Variants in WDR90 observed in about 807,000 individuals in gnomAD.
WDR90 encodes the protein WD repeat domain 90.
Under a neutral mutation model 195.2 loss-of-function variants are expected in WDR90, and 238 were observed. The ratio of observed to expected loss-of-function variants is 1.22; its 90% confidence interval spans 1.10 to 1.36. WDR90 has a LOEUF of 1.36. Ranked by LOEUF, WDR90 falls within the 40% of genes most tolerant of loss-of-function variation. The pLI, the probability that WDR90 is intolerant of heterozygous loss-of-function variation, is 0.00. For missense variants in WDR90, 2,734 were observed against 2,439.5 expected (o/e 1.12, Z -2.54); for synonymous variants, 1,265 against 1,052.4 (o/e 1.20, Z -3.91).
chr16:660,684 CGG>C lies in WDR90; in HGVS notation c.3363_3364del (p.Ala1122GlnfsTer84). On this transcript the variant is annotated frameshift_variant, in exon 28 of 41. Transcript: ENST00000293879. LOFTEE classifies it high-confidence loss of function. Reference sequence around the variant, plus strand: ...TGTCGTCGGTTACAGCGGGAATGGGCGGGCCAACATGGTCTGGAGGCCGGACA... The same window carrying C: ...TGTCGTCGGTTACAGCGGGAATGGGCGCCAACATGGTCTGGAGGCCGGACA... ...KAVVGYSGNGRANMVWRPDTG... is the reference protein window; with the variant it reads ...KAVVGYSGNGXANMVWRPDTG... 6.3e-7 allele frequency: 1 copy of C among 1,579,078 alleles called. No homozygotes were observed.
chr16:660,234 C>A (rs1468015680), intron 27 of WDR90, 73 bp downstream of exon 27: 3 of 1,357,198 alleles, frequency 2.2e-6, no homozygotes, highest in South Asian at 1.5e-5. Flanking sequence ...TCCCCAGCAC[C>A]TCCTCAGGGT....
chr16:657,375 C>T (rs927750577), intron 20 of WDR90, 154 bp downstream of exon 20: 6 of 1,201,074 alleles, frequency 5.0e-6, no homozygotes, highest in African/African-American at 3.1e-5. Flanking sequence ...TGTCAAGGCC[C>T]TGAGGAGACT....
chr16:650,371 A>G lies in WDR90; in HGVS notation c.388+9A>G. The G allele has an allele frequency of 6.2e-7, 1 of 1,610,402 alleles. No homozygotes were observed. The highest frequency in any genetic ancestry group is 8.5e-7 in the Non-Finnish European group (1 of 1,177,842). On this transcript the variant is annotated intron_variant, in intron 4 of 40. Coordinates refer to ENST00000293879, the MANE Select transcript of WDR90 (RefSeq NM_145294.5). ...CAGGACACCTCAGAGAGGTGACACC[A>G]AGATGGGGTGTGGATGATCCAGGAC...
intron 17 of WDR90, 185 bp downstream of exon 17, chr16:656,074 C>T (rs775340307): frequency 1.2e-4 from 96 of 812,100 alleles, no homozygotes; most frequent in Non-Finnish European, 1.5e-4. Context: ...CGCGGGGCAG[C>T]CTCACGGAAG....
chr16:653,508 A>G lies in WDR90; in HGVS notation c.1234-17A>G, dbSNP rs756609590. ...ACCTGCAGCCCCTACACCCTCCCTC[A>G]CCCTTCTGCCTCCTAGGTCTCCGCC... On this transcript the variant is annotated splice_polypyrimidine_tract_variant and intron_variant, in intron 11 of 40. Coordinates refer to ENST00000293879, the MANE Select transcript of WDR90 (RefSeq NM_145294.5). The G allele has an allele frequency of 6.2e-7, 1 of 1,612,168 alleles. No individual in the cohort carries two copies. The highest frequency in any genetic ancestry group is 1.1e-5 in the South Asian group (1 of 91,062).
At position 662,811 on chromosome 16, in the gene WDR90, C is replaced by T. The variant is rs540807140; in HGVS notation, c.4278C>T (p.Thr1426=). ...GGTTTGTCAGCTGGGCCGAGGGCAC[C>T]AGCACACGTCTCATCAGTGGCCACA... The part of the protein sequence containing the change: ...TLWFVSWAEG[T]STRLISGHRS... The change falls in exon 34 of 41, where the codon ACC becomes ACT. Residue 1426 remains threonine (T), a synonymous_variant. Coordinates refer to ENST00000293879, the MANE Select transcript of WDR90 (RefSeq NM_145294.5). The T allele has an allele frequency of 1.3e-6, 2 of 1,589,918 alleles. No individual in the cohort carries two copies. The highest frequency in any genetic ancestry group is 1.7e-6 in the Non-Finnish European group (2 of 1,169,910).
upstream of WDR90, chr16:649,283 G>T (rs1304765034): frequency 1.8e-6 from 2 of 1,135,946 alleles, no homozygotes; most frequent in Non-Finnish European, 2.3e-6. Flanking sequence ...AGGTCACGTG[G>T]CCAGGGCGCC....
chr16:665,841 C>G (rs1318284878), intron 35 of WDR90, 40 bp downstream of exon 35: 1 of 1,554,566 alleles, frequency 6.4e-7, no homozygotes, highest in Non-Finnish European at 8.7e-7. Context: ...GGATGGGGGC[C>G]TGCTCAGTGG....
chr16:660,038 C>A lies in WDR90; in HGVS notation c.3185-20C>A. On this transcript the variant is annotated intron_variant, in intron 26 of 40. Transcript: ENST00000293879. ...GCTCAGGGCAGTGTAATGCCACAAGCTCTGCCTCCTCCCTGCCAGGCGCCA... is the reference window on the plus strand; with the variant it reads ...GCTCAGGGCAGTGTAATGCCACAAGATCTGCCTCCTCCCTGCCAGGCGCCA... The A allele has an allele frequency of 6.5e-7, 1 of 1,527,962 alleles. No individual in the cohort carries two copies. The highest frequency in any genetic ancestry group is 2.4e-5 in the East Asian group (1 of 40,884). The allele number at this position is 1,527,962 out of a possible 1,614,324, so 94.7% of individuals were successfully genotyped here. A position where few individuals can be genotyped will look rare whatever the true frequency, so the allele number is the denominator to read the frequency against.
In WDR90 at chr16:666,120, C is replaced by G. The variant is rs765157430; in HGVS notation, c.4605C>G (p.Thr1535=). The G allele has an allele frequency of 1.9e-6, 3 of 1,609,512 alleles. No individual in the cohort carries two copies. Among genetic ancestry groups the G allele is most frequent in the Admixed American group, 3.3e-5 (2 of 59,918 alleles). Residue 1535 remains threonine (T), a synonymous_variant, in exon 36 of 41, where the codon ACC becomes ACG. Transcript: ENST00000293879. ...PVALTTVAFS[T]DGQTVLSGDK... ...CGCTGACCACTGTTGCCTTCTCCAC[C>G]GATGGTGAGGAGTTGGGTGTGTTGG...
Position 660,737 on chromosome 16 carries a change from C to A in WDR90, c.3391+23C>A. On this transcript the variant is annotated intron_variant, in intron 28 of 40. Coordinates refer to ENST00000293879, the MANE Select transcript of WDR90 (RefSeq NM_145294.5). Reference sequence around the variant, plus strand: ...CAGGTGGGGGCCAAGAGCCTACCCCCACCCCCAGCCAAGATGCGGCCGCGC... The same window carrying A: ...CAGGTGGGGGCCAAGAGCCTACCCCAACCCCCAGCCAAGATGCGGCCGCGC... 1.3e-6 allele frequency: 2 copies of A among 1,533,610 alleles called. 1 individual carries two copies. The highest frequency in any genetic ancestry group is 2.4e-5 in the South Asian group (2 of 83,888).
At chr16:651,360 T>C in intron 7 of WDR90, 94 bp downstream of exon 7, 1 of 1,417,010 alleles carries the variant, frequency 7.1e-7, no homozygotes, top group South Asian at 1.2e-5. Context: ...GACCCAGTGG[T>C]GTGCTGGCTG....
chr16:667,349 T>C, intron 40 of WDR90, 83 bp from the exon 41 acceptor site: 1 of 1,512,220 alleles, frequency 6.6e-7, no homozygotes, highest in Non-Finnish European at 8.9e-7. Flanking sequence ...TCATGCCCAG[T>C]GGGGACAGTC....
In WDR90 at chr16:666,595, G is replaced by T. The variant is rs759188844; in HGVS notation, c.4881G>T (p.Thr1627=). The T allele has an allele frequency of 8.7e-6, 14 of 1,612,396 alleles. No individual in the cohort carries two copies. The South Asian group carries it at 1.5e-4, about 18-fold the overall frequency. Residue 1627 remains threonine (T), a synonymous_variant, in exon 38 of 41, where the codon ACG becomes ACT. Transcript: ENST00000293879. Reference sequence around the variant, plus strand: ...TGAGTTTCCCAATGCCTGCCACCACGGAGGTAAACCATGCTCCTGGCACTG... The same window carrying T: ...TGAGTTTCCCAATGCCTGCCACCACTGAGGTAAACCATGCTCCTGGCACTG... The part of the protein sequence containing the change: ...DWLSFPMPAT[T]ETQGHLPPSL...
At chr16:659,840 C>T (rs552171818) in intron 26 of WDR90, among the ~76,000 whole-genome samples, 1 of 152,326 alleles carries the variant, frequency 6.6e-6, no homozygotes, top group Admixed American at 6.5e-5. Context: ...GGTGCCGGTG[C>T]AGGGGCCTGA....
chr16:650,024 C>G lies in WDR90; in HGVS notation c.136C>G (p.Arg46Gly). Residue 46 changes from arginine (R) to glycine (G), a missense_variant, in exon 3 of 41, where the codon CGG (arginine) becomes GGG (glycine). By Grantham distance (125) the Arg-to-Gly change is moderately radical. Transcript: ENST00000293879. Reference sequence around the variant, plus strand: ...CCTGAAGGGCGCCGTGTATCGCATTCGGGGCTCAGTCTCTGCCGCCAACTA... The same window carrying G: ...CCTGAAGGGCGCCGTGTATCGCATTGGGGGCTCAGTCTCTGCCGCCAACTA... Reference protein sequence around the residue: ...KTLKGAVYRIRGSVSAANYIQ... With the variant: ...KTLKGAVYRIGGSVSAANYIQ... 6.2e-7 allele frequency: 1 copy of G among 1,612,848 alleles called. No homozygotes were observed. The highest frequency in any genetic ancestry group is 1.3e-5 in the African/African-American group (1 of 75,078).
chr16:662,515 C>T (rs2037939005), intron 33 of WDR90, 164 bp from the exon 34 acceptor site: 2 of 1,185,614 alleles, frequency 1.7e-6, no homozygotes, highest in Admixed American at 2.7e-5. Context: ...CGGGCATGGG[C>T]CCAGAAGCCC....
At chr16:653,228 C>T in intron 10 of WDR90, 113 bp from the exon 11 acceptor site, 1 of 864,102 alleles carries the variant, frequency 1.2e-6, no homozygotes. Context: ...GTGTGTGTGC[C>T]AGGCCTGCCA....
Position 649,406 on chromosome 16 carries a change from G to A in WDR90, c.-11G>A. On this transcript the variant is annotated 5_prime_UTR_variant, in exon 1 of 41. Coordinates refer to ENST00000293879, the MANE Select transcript of WDR90 (RefSeq NM_145294.5). ...GCGGAGGCCTAGGCGGGAAGCTCGA[G>A]CGGCGGCGCCATGGCCCGAGGTAGC... 1 of 1,316,240 alleles carries A rather than the reference G, an allele frequency of 7.6e-7. No individual in the cohort carries two copies. The highest frequency in any genetic ancestry group is 9.7e-7 in the Non-Finnish European group (1 of 1,035,626). 81.5% of individuals were successfully genotyped at this position (1,316,240 alleles called of 1,614,324 possible). A position where few individuals can be genotyped will look rare whatever the true frequency, so the allele number is the denominator to read the frequency against.
Sources: gnomAD v4.1 joint callset for allele counts (sites outside exome capture counted in the v4.1 genomes callset) on GRCh38, gnomAD v4.1.1 for gene constraint, MANE v1.5 for transcripts, NCBI Gene and HGNC (gene_info 2026-07-23, HGNC 2026-07-21) for gene names.